The following LRIG1 variants were observed in gnomAD, a reference collection of about 807,000 sequenced individuals.
The protein encoded by LRIG1 is leucine-rich repeats and immunoglobulin-like domains protein 1.
Under a neutral mutation model 99.2 loss-of-function variants are expected in LRIG1, and 48 were observed. The observed-to-expected ratio is 0.48, with a 90% CI of 0.38 to 0.62. The LOEUF is 0.62. LRIG1 is among the 20% of genes least tolerant of loss of function. The probability of loss-of-function intolerance (pLI) is 0.00; values close to 1 mark genes in which losing one functional copy is unlikely to be tolerated. For synonymous variants in LRIG1, 772 were observed against 596.1 expected (o/e 1.29, Z -4.30); for missense variants, 1,646 against 1,434.4 (o/e 1.15, Z -2.38).
chr3:66,411,600 A>T, intron 6 of LRIG1, among the ~76,000 whole-genome samples: 1 of 152,160 alleles, frequency 6.6e-6, no homozygotes, highest in East Asian at 1.9e-4. Flanking sequence ...TTCACAGAGT[A>T]GGGAGGGCTG....
chr3:66,436,199 T>C (rs1703351507), intron 3 of LRIG1, among the ~76,000 whole-genome samples: 2 of 152,202 alleles, frequency 1.3e-5, no homozygotes, highest in Admixed American at 6.5e-5. Context: ...CCAGCACTAC[T>C]TGGCCAAGGA....
chr3:66,410,948 C>T (rs911733890), intron 6 of LRIG1, among the ~76,000 whole-genome samples: 1 of 152,220 alleles, frequency 6.6e-6, no homozygotes, highest in African/African-American at 2.4e-5. Context: ...AGGAGACCCG[C>T]TTTAGCTCTG....
At chr3:66,435,306 C>A (rs978458946) in intron 3 of LRIG1, among the ~76,000 whole-genome samples, 86 of 152,166 alleles carry the variant, frequency 5.7e-4, no homozygotes, top group African/African-American at 1.8e-3. Context: ...AGCCTGTAAT[C>A]CCAGCACTTT....
intron 1 of LRIG1, among the ~76,000 whole-genome samples, chr3:66,470,789 T>C (rs913182350): frequency 1.3e-5 from 2 of 152,218 alleles, no homozygotes; most frequent in African/African-American, 4.8e-5. Context: ...CTTTCTATAC[T>C]ACCCCTTAAA....
chr3:66,471,662 G>C (rs183333180), intron 1 of LRIG1, among the ~76,000 whole-genome samples: 2 of 152,320 alleles, frequency 1.3e-5, no homozygotes, highest in Non-Finnish European at 1.5e-5. Context: ...TCTCATAAAT[G>C]AAAACCACGC....
chr3:66,385,535 G>A (rs1169920798), intron 13 of LRIG1, among the ~76,000 whole-genome samples: 4 of 151,970 alleles, frequency 2.6e-5, no homozygotes, highest in Non-Finnish European at 4.4e-5. Context: ...TCACTGCAAC[G>A]TCCACCTCCT....
chr3:66,499,100 T>G (rs1701293086), intron 1 of LRIG1, among the ~76,000 whole-genome samples: 1 of 152,234 alleles, frequency 6.6e-6, no homozygotes, highest in Admixed American at 6.5e-5. Flanking sequence ...GGAAAGGTAC[T>G]AATGGTTCTA....
chr3:66,453,029 T>C (rs1703957100), intron 2 of LRIG1, among the ~76,000 whole-genome samples: 1 of 152,210 alleles, frequency 6.6e-6, no homozygotes, highest in African/African-American at 2.4e-5. Flanking sequence ...CTGCTTCACC[T>C]TTTATCTCCT....
intron 3 of LRIG1, among the ~76,000 whole-genome samples, chr3:66,448,173 G>C (rs1470694782): frequency 6.6e-6 from 1 of 152,134 alleles, no homozygotes; most frequent in African/African-American, 2.4e-5. Flanking sequence ...CTGAAATTTT[G>C]CTCTATGACT....
intron 6 of LRIG1, among the ~76,000 whole-genome samples, chr3:66,412,126 G>A (rs552783800): frequency 6.6e-6 from 1 of 152,336 alleles, no homozygotes; most frequent in South Asian, 2.1e-4. Flanking sequence ...AGCCCCTTCT[G>A]CTGCTGTACA....
At chr3:66,421,283 A>T (rs1702800127) in intron 3 of LRIG1, among the ~76,000 whole-genome samples, 1 of 152,172 alleles carries the variant, frequency 6.6e-6, no homozygotes, top group Non-Finnish European at 1.5e-5. Context: ...TTCAGCATTA[A>T]CTCAAAAGTC....
chr3:66,397,669 C>A (rs1168558907), intron 11 of LRIG1, among the ~76,000 whole-genome samples: 1 of 152,200 alleles, frequency 6.6e-6, no homozygotes, highest in Non-Finnish European at 1.5e-5. Flanking sequence ...GCATCCCATC[C>A]CCTCCAGAGC....
At chr3:66,392,551 G>C (rs145413451) in intron 12 of LRIG1, among the ~76,000 whole-genome samples, 1 of 150,118 alleles carries the variant, frequency 6.7e-6, no homozygotes, top group African/African-American at 2.4e-5. Flanking sequence ...CTGAAACCTT[G>C]ATCTTCTGCC....
intron 8 of LRIG1, 128 bp from the exon 9 acceptor site, chr3:66,405,406 G>A (rs113015211): frequency 3.1e-5 from 23 of 738,514 alleles, no homozygotes; most frequent in East Asian, 2.4e-4. Flanking sequence ...CAGCCGGGAC[G>A]TAGGGTGAAG....
intron 1 of LRIG1, among the ~76,000 whole-genome samples, chr3:66,481,501 A>G (rs773554515): frequency 5.9e-5 from 9 of 151,668 alleles, no homozygotes; most frequent in Admixed American, 1.3e-4. Flanking sequence ...TCAAAGATGC[A>G]CAGACCGGAG....
chr3:66,408,957 T>TGA (rs1288551507), intron 7 of LRIG1, among the ~76,000 whole-genome samples: 1 of 66,728 alleles, frequency 1.5e-5, no homozygotes, highest in Non-Finnish European at 2.8e-5. Flanking sequence ...TGTGTGTGTG[T>TGA]GTGTGGTGGG....
chr3:66,458,674 C>G (rs193240664), intron 2 of LRIG1, among the ~76,000 whole-genome samples: 1 of 152,154 alleles, frequency 6.6e-6, no homozygotes, highest in African/African-American at 2.4e-5. Context: ...TGCACTCCAG[C>G]CACGGTGACA....
intron 3 of LRIG1, among the ~76,000 whole-genome samples, chr3:66,439,186 C>T (rs939730787): frequency 9.9e-5 from 15 of 152,210 alleles, no homozygotes; most frequent in Non-Finnish European, 2.2e-4. Flanking sequence ...GGAAGAACTG[C>T]GCCAAGGCCT....
chr3:66,447,923 C>A (rs910050639), intron 3 of LRIG1, among the ~76,000 whole-genome samples: 12 of 152,202 alleles, frequency 7.9e-5, no homozygotes, highest in Non-Finnish European at 4.4e-5. Flanking sequence ...ACGTGAAAAT[C>A]CACTGGCAGC....
Sources: gnomAD v4.1 joint callset for allele counts (sites outside exome capture counted in the v4.1 genomes callset) on GRCh38, gnomAD v4.1.1 for gene constraint, MANE v1.5 for transcripts, NCBI Gene and HGNC (gene_info 2026-07-23, HGNC 2026-07-21) for gene names.